The following STX17 variants were observed in gnomAD, a reference collection of about 807,000 sequenced individuals.
STX17 encodes syntaxin-17.
STX17 carries 29 observed loss-of-function variants against 35.9 expected under a neutral mutation model. That is an observed-to-expected ratio of 0.81 (90% CI 0.60 to 1.10). The LOEUF is 1.10. Among genes scored for constraint, STX17 ranks in the 50% least tolerant of loss-of-function variants. The pLI is 0.00. For synonymous variants in STX17, 92 were observed against 118.3 expected (o/e 0.78, Z 1.44); for missense variants, 312 against 352.3 (o/e 0.89, Z 0.92).
intron 2 of STX17, among the ~76,000 whole-genome samples, chr9:99,918,658 A>AG (rs1266024435): frequency 6.6e-6 from 1 of 151,904 alleles, no homozygotes; most frequent in Non-Finnish European, 1.5e-5. Context: ...CTGATTGGAA[A>AG]GTATGTGTGT....
intron 4 of STX17, among the ~76,000 whole-genome samples, chr9:99,952,256 G>A (rs985231042): frequency 3.2e-4 from 48 of 152,230 alleles, no homozygotes; most frequent in African/African-American, 1.1e-3. Flanking sequence ...AGACATTTAT[G>A]CAGCCAAAAA....
intron 3 of STX17, among the ~76,000 whole-genome samples, chr9:99,934,537 A>G (rs1478522380): frequency 6.6e-6 from 1 of 152,192 alleles, no homozygotes; most frequent in Non-Finnish European, 1.5e-5. Context: ...TATAGTAGTT[A>G]GGTAATGAAA....
At chr9:99,919,256 G>A (rs1231005114) in intron 2 of STX17, among the ~76,000 whole-genome samples, 4 of 152,100 alleles carry the variant, frequency 2.6e-5, no homozygotes, top group African/African-American at 7.2e-5. Flanking sequence ...TTACCTGGTA[G>A]CTGGTACCTT....
chr9:99,908,261 G>A (rs1319588078), intron 1 of STX17, among the ~76,000 whole-genome samples: 2 of 152,040 alleles, frequency 1.3e-5, no homozygotes, highest in Non-Finnish European at 2.9e-5. Context: ...TCTTGGGGGG[G>A]AGCTTTTAAA....
intron 2 of STX17, among the ~76,000 whole-genome samples, chr9:99,923,042 C>G (rs893189719): frequency 4.6e-5 from 7 of 152,052 alleles, no homozygotes; most frequent in Non-Finnish European, 8.8e-5. Context: ...TTTTACAACA[C>G]TTTTTTATTC....
At chr9:99,935,497 A>G (rs138243649) in intron 3 of STX17, among the ~76,000 whole-genome samples, 13 of 152,290 alleles carry the variant, frequency 8.5e-5, no homozygotes, top group African/African-American at 3.1e-4. Context: ...AGAATTTGGT[A>G]CAATACCTGC....
chr9:99,931,655 G>C (rs1829126811), intron 3 of STX17, among the ~76,000 whole-genome samples: 1 of 152,070 alleles, frequency 6.6e-6, no homozygotes. Context: ...CAAAGCTTGA[G>C]CTATTTACTG....
chr9:99,957,648 T>C (rs1402801927), intron 4 of STX17, among the ~76,000 whole-genome samples: 8 of 128,444 alleles, frequency 6.2e-5, no homozygotes, highest in African/African-American at 2.4e-4. Flanking sequence ...TTTTATGTTA[T>C]TGTTTTTGTT....
chr9:99,970,528 CAG>C lies in STX17; in HGVS notation c.*1856_*1857del, dbSNP rs1303640067. On this transcript the variant is annotated 3_prime_UTR_variant, in exon 8 of 8. Coordinates refer to ENST00000259400, the MANE Select transcript of STX17 (RefSeq NM_017919.3). ...TGGACCTTGCTCTGTCACTTTAACACAGGGTGATCAAACCTGAATGAGGATCA... is the reference window on the plus strand; with the variant it reads ...TGGACCTTGCTCTGTCACTTTAACACGGTGATCAAACCTGAATGAGGATCA... Among the ~76,000 whole-genome samples the C allele has an allele frequency of 6.6e-6, 1 of 152,180 alleles. No individual in the cohort carries two copies. Among genetic ancestry groups the C allele is most frequent in the Non-Finnish European group, 1.5e-5 (1 of 68,032 alleles).
At chr9:99,958,224 C>T (rs746073981) in intron 4 of STX17, among the ~76,000 whole-genome samples, 4 of 152,134 alleles carry the variant, frequency 2.6e-5, no homozygotes, top group Non-Finnish European at 4.4e-5. Context: ...CTCCTTCCAC[C>T]CCTGCACCAG....
At chr9:99,957,698 A>G (rs1829737712) in intron 4 of STX17, among the ~76,000 whole-genome samples, 1 of 145,866 alleles carries the variant, frequency 6.9e-6, no homozygotes, top group African/African-American at 2.6e-5. Context: ...TCTGTTGCCC[A>G]GGCTGGAGTC....
At chr9:99,918,362 C>T (rs567305079) in intron 2 of STX17, among the ~76,000 whole-genome samples, 55 of 152,174 alleles carry the variant, frequency 3.6e-4, no homozygotes, top group Admixed American at 6.5e-4. Flanking sequence ...TCTCAAAGCC[C>T]TGGCCTCAAG....
intron 4 of STX17, among the ~76,000 whole-genome samples, chr9:99,957,583 C>T (rs1279689463): frequency 4.0e-5 from 6 of 151,710 alleles, no homozygotes; most frequent in Admixed American, 6.6e-5. Flanking sequence ...AGCAGATCAC[C>T]GTCATGTTAC....
rs527616108 is a variant in STX17 at position 99,934,454 on chromosome 9, A to G, written c.189+5611A>G. ...TGGCTTAGTTAATACTTGTTAAGCT[A>G]TATATATTCTTTCTGGTGACTTTTG... On this transcript the variant is annotated intron_variant, in intron 3 of 7. Coordinates refer to ENST00000259400, the MANE Select transcript of STX17 (RefSeq NM_017919.3). 6.9e-4 allele frequency among the ~76,000 whole-genome samples: 105 copies of G among 152,298 alleles called. 1 individual carries two copies. Among genetic ancestry groups the G allele is most frequent in the Non-Finnish European group, 1.3e-3 (90 of 68,012 alleles).
intron 5 of STX17, 33 bp from the exon 6 acceptor site, chr9:99,960,072 A>G: frequency 6.2e-7 from 1 of 1,613,932 alleles, no homozygotes; most frequent in South Asian, 1.1e-5. Context: ...GTTGTGAGGC[A>G]TAAAAGTAAC....
chr9:99,910,395 T>C (rs1448159619), intron 1 of STX17, among the ~76,000 whole-genome samples: 3 of 152,190 alleles, frequency 2.0e-5, no homozygotes, highest in Non-Finnish European at 4.4e-5. Flanking sequence ...GGAATATGGA[T>C]AAATGGACAT....
intron 3 of STX17, chr9:99,929,910 C>CTTTTTTTTTTTTTTTTTT (rs528774463): frequency 8.4e-6 from 1 of 118,348 alleles, no homozygotes; most frequent in Non-Finnish European, 1.7e-5. Flanking sequence ...TTTTTCTTTT[C>CTTTTTTTTTTTTTTTTTT]TTTTTTTTTT....
chr9:99,933,862 A>G (rs1460053390), intron 3 of STX17, among the ~76,000 whole-genome samples: 20 of 152,200 alleles, frequency 1.3e-4, no homozygotes. Context: ...ACAAAGCTTC[A>G]TCTTCCTCAG....
intron 4 of STX17, among the ~76,000 whole-genome samples, chr9:99,958,430 A>G (rs903169334): frequency 6.6e-6 from 1 of 152,204 alleles, no homozygotes; most frequent in Non-Finnish European, 1.5e-5. Flanking sequence ...CATGCATTTT[A>G]TGGTAAGATC....
Sources: gnomAD v4.1 joint callset for allele counts (sites outside exome capture counted in the v4.1 genomes callset) on GRCh38, gnomAD v4.1.1 for gene constraint, MANE v1.5 for transcripts, NCBI Gene and HGNC (gene_info 2026-07-23, HGNC 2026-07-21) for gene names.